Variants in CAPS2 observed in about 807,000 individuals in gnomAD.
CAPS2 encodes the protein calcyphosine 2.
In CAPS2, 98 loss-of-function variants were observed where a neutral mutation model predicts 86.5. The ratio of observed to expected loss-of-function variants is 1.13; its 90% confidence interval spans 0.96 to 1.34. The LOEUF is 1.34. CAPS2 is among the 40% of genes most tolerant of loss of function. The probability of loss-of-function intolerance (pLI) is 0.00; values close to 1 mark genes in which losing one functional copy is unlikely to be tolerated. For synonymous variants in CAPS2, 210 were observed against 225.1 expected (o/e 0.93, Z 0.60); for missense variants, 729 against 686.8 (o/e 1.06, Z -0.69).
chr12:75,291,512 T>G (rs1250073566), intron 13 of CAPS2, among the ~76,000 whole-genome samples: 1 of 102,556 alleles, frequency 9.8e-6, no homozygotes, highest in Non-Finnish European at 2.1e-5. Context: ...TATATATATA[T>G]ATATATATAT....
At position 75,346,482 on chromosome 12, in the gene CAPS2, C is replaced by T. The variant is rs192195474; in HGVS notation, c.-394-23260G>A. ...CTCAACTCACTGCAACCTCCACTTC[C>T]TGAGTTCAAGCAATTCTCCTGCCTC... is the stretch of plus-strand genomic sequence containing the variant. On this transcript the variant is annotated intron_variant, in intron 1 of 5. Transcript: ENST00000551829. Among the ~76,000 whole-genome samples, 263 of 152,226 alleles carry T rather than the reference C, an allele frequency of 1.7e-3. 1 individual carries two copies. Among genetic ancestry groups the T allele is most frequent in the African/African-American group, 5.9e-3 (247 of 41,526 alleles).
intron 7 of CAPS2, among the ~76,000 whole-genome samples, chr12:75,307,357 T>C (rs936847159): frequency 6.6e-6 from 1 of 152,160 alleles, no homozygotes; most frequent in African/African-American, 2.4e-5. Flanking sequence ...TTTTACTGAA[T>C]AGGAATAAAT....
intron 15 of CAPS2, among the ~76,000 whole-genome samples, chr12:75,283,363 T>C (rs868593430): frequency 6.6e-6 from 1 of 152,204 alleles, no homozygotes; most frequent in African/African-American, 2.4e-5. Context: ...CTGTTGTAGA[T>C]TGACTTGTGT....
chr12:75,375,270 C>A (rs908972225), intron 1 of CAPS2, among the ~76,000 whole-genome samples: 1 of 152,166 alleles, frequency 6.6e-6, no homozygotes, highest in Admixed American at 6.5e-5. Flanking sequence ...TGAGTCAGAA[C>A]TGAGCTAAAA....
chr12:75,390,105 G>A (rs2045501094), intron 1 of CAPS2, among the ~76,000 whole-genome samples: 1 of 152,150 alleles, frequency 6.6e-6, no homozygotes, highest in Admixed American at 6.5e-5. Flanking sequence ...TCTGCTTAAT[G>A]CTATTAAGCA....
At chr12:75,293,020 C>T (rs2036269581) in intron 12 of CAPS2, among the ~76,000 whole-genome samples, 1 of 151,896 alleles carries the variant, frequency 6.6e-6, no homozygotes, top group South Asian at 2.1e-4. Flanking sequence ...GTATCTTTAA[C>T]ATAAAATTGA....
At chr12:75,361,948 C>T (rs546013498) in intron 1 of CAPS2, among the ~76,000 whole-genome samples, 84 of 152,132 alleles carry the variant, frequency 5.5e-4, no homozygotes, top group African/African-American at 1.9e-3. Flanking sequence ...AAAAGATGAA[C>T]AAAAACCTCT....
intron 1 of CAPS2, chr12:75,363,005 T>C (rs549782682): frequency 5.9e-5 from 34 of 571,922 alleles, no homozygotes; most frequent in Middle Eastern, 3.8e-4. Flanking sequence ...TCAACATTTA[T>C]GACTTAATAA....
At chr12:75,321,490 C>G in exon 5 of CAPS2, 1 of 1,546,210 alleles carries the variant, frequency 6.5e-7, no homozygotes, top group Non-Finnish European at 8.8e-7. Flanking sequence ...GCTTATAGCC[C>G]TCTTTAATTT....
intron 1 of CAPS2, among the ~76,000 whole-genome samples, chr12:75,363,627 T>G (rs922085026): frequency 6.6e-6 from 1 of 152,142 alleles, no homozygotes; most frequent in African/African-American, 2.4e-5. Flanking sequence ...AAAATAAATA[T>G]GCTTTTTAAG....
At chr12:75,304,281 AAGCCG>A (rs1192875201) in intron 8 of CAPS2, among the ~76,000 whole-genome samples, 2 of 152,204 alleles carry the variant, frequency 1.3e-5, no homozygotes, top group Non-Finnish European at 2.9e-5. Flanking sequence ...ATGTCTACTA[AAGCCG>A]AGGTTAGATG....
intron 6 of CAPS2, among the ~76,000 whole-genome samples, chr12:75,315,959 T>C (rs1327327035): frequency 6.6e-6 from 1 of 152,170 alleles, no homozygotes; most frequent in African/African-American, 2.4e-5. Context: ...TTAACTGGCC[T>C]GAATTTATCT....
intron 1 of CAPS2, among the ~76,000 whole-genome samples, chr12:75,348,099 G>T (rs1190428195): frequency 6.6e-6 from 1 of 152,052 alleles, no homozygotes; most frequent in East Asian, 1.9e-4. Context: ...GATTGTAAAA[G>T]AACATACTTT....
At chr12:75,316,947 C>T (rs1407034524) in intron 5 of CAPS2, among the ~76,000 whole-genome samples, 3 of 151,994 alleles carry the variant, frequency 2.0e-5, no homozygotes, top group Non-Finnish European at 4.4e-5. Context: ...TATGCGTTTA[C>T]GCTACCCCAG....
chr12:75,291,525 C>A (rs1173167335), intron 13 of CAPS2, among the ~76,000 whole-genome samples: 236 of 15,636 alleles, frequency 0.015, no homozygotes, highest in Middle Eastern at 0.038. Flanking sequence ...ATATATATAG[C>A]TTATTTTAAA....
chr12:75,276,219 C>A, downstream of CAPS2: 1 of 1,541,846 alleles, frequency 6.5e-7, no homozygotes, highest in South Asian at 1.2e-5. Flanking sequence ...TTTTTTTAAG[C>A]ATTTTCATGT....
chr12:75,313,127 G>C lies in CAPS2; in HGVS notation c.592-212C>G, dbSNP rs546329466. Reference sequence around the variant, plus strand: ...TCTACAAATATCATTTATTTTCTAAGAAATAATACACTTAAATTTCAGTAA... The same window carrying C: ...TCTACAAATATCATTTATTTTCTAACAAATAATACACTTAAATTTCAGTAA... On this transcript the variant is annotated intron_variant, in intron 6 of 16. Coordinates refer to ENST00000393284, the Ensembl canonical transcript of CAPS2. Among the ~76,000 whole-genome samples, 15 of 152,148 alleles carry C rather than the reference G, an allele frequency of 9.9e-5. No homozygotes were observed. The South Asian group carries it at 2.9e-3, about 29-fold the overall frequency.
At chr12:75,367,013 G>A (rs2044015291) in intron 1 of CAPS2, 5 of 701,348 alleles carry the variant, frequency 7.1e-6, no homozygotes, top group Non-Finnish European at 1.3e-5. Flanking sequence ...GAGCTGAGGA[G>A]GTAAGTCTCT....
chr12:75,335,880 T>A (rs536013623), intron 1 of CAPS2, among the ~76,000 whole-genome samples: 1 of 152,008 alleles, frequency 6.6e-6, no homozygotes, highest in East Asian at 1.9e-4. Flanking sequence ...CTAATATTAG[T>A]ATTAATATGG....
Sources: allele counts gnomAD v4.1 joint callset (sites outside exome capture counted in the v4.1 genomes callset), GRCh38; gene constraint gnomAD v4.1.1; transcripts MANE v1.5; gene names NCBI Gene and HGNC (gene_info 2026-07-23, HGNC 2026-07-21).